Variants in FARS2 observed in about 807,000 individuals in gnomAD.
FARS2 encodes phenylalanine--tRNA ligase, mitochondrial.
A neutral mutation model predicts 46.4 loss-of-function variants in FARS2; 40 were observed. The ratio of observed to expected loss-of-function variants is 0.86; its 90% CI spans 0.67 to 1.12. The LOEUF is 1.12. Ranked by LOEUF, FARS2 falls within the 50% of genes most tolerant of loss-of-function variation. The pLI is 0.00. For synonymous variants in FARS2, 234 were observed against 214.9 expected (o/e 1.09, Z -0.78); for missense variants, 513 against 567.9 (o/e 0.90, Z 0.98).
intron 4 of FARS2, among the ~76,000 whole-genome samples, chr6:5,521,127 A>T (rs1769109856): frequency 6.6e-6 from 1 of 151,874 alleles, no homozygotes; most frequent in African/African-American, 2.4e-5. Context: ...TTTTATTTAT[A>T]TTTTGTTTCT....
At chr6:5,583,527 C>G (rs535981618) in intron 5 of FARS2, among the ~76,000 whole-genome samples, 34 of 152,186 alleles carry the variant, frequency 2.2e-4, no homozygotes, top group Non-Finnish European at 4.0e-4. Flanking sequence ...TAAAATTGTT[C>G]CCTAACAGAA....
intron 2 of FARS2, among the ~76,000 whole-genome samples, chr6:5,373,122 G>A (rs1377300152): frequency 6.6e-6 from 1 of 152,092 alleles, no homozygotes; most frequent in Non-Finnish European, 1.5e-5. Flanking sequence ...TCAGAAACAG[G>A]TAGTATAGGG....
intron 1 of FARS2, among the ~76,000 whole-genome samples, chr6:5,329,341 G>C (rs1296589107): frequency 6.6e-6 from 1 of 152,212 alleles, no homozygotes; most frequent in Non-Finnish European, 1.5e-5. Context: ...TTGAGATCTG[G>C]AATGAATTCA....
At position 5,630,222 on chromosome 6, in the gene FARS2, G is replaced by A. The variant is rs963101075; in HGVS notation, c.1217+16902G>A. On this transcript the variant is annotated intron_variant, in intron 6 of 6. Transcript: ENST00000274680. The surrounding 1 kb of genome is among the most constrained non-coding windows in gnomAD (Gnocchi z 4.2). ...AGACAGTGAGTGAGGAACTAAGAAG[G>A]GAGACCCAAGAGATGGAAGTCAAAG... 2.0e-5 allele frequency among the ~76,000 whole-genome samples: 3 copies of A among 152,112 alleles called. 1 individual carries two copies. Among genetic ancestry groups the A allele is most frequent in the Admixed American group, 2.0e-4 (3 of 15,276 alleles).
chr6:5,617,075 G>A (rs1775513614), intron 6 of FARS2, among the ~76,000 whole-genome samples: 1 of 151,862 alleles, frequency 6.6e-6, no homozygotes, highest in South Asian at 2.1e-4. Context: ...TAGTGTTGGG[G>A]TCCTGTGGAC....
Position 5,389,014 on chromosome 6 carries a change from T to C in FARS2, c.613-15528T>C, listed in dbSNP as rs115839776. ...GTTCTCCGTCATATCTGTTTATTGT[T>C]GCCCTCCCCTCACATCCACAGATGT... On this transcript the variant is annotated intron_variant, in intron 2 of 6. Transcript: ENST00000274680. Among the ~76,000 whole-genome samples, 833 of 152,320 alleles carry C rather than the reference T, an allele frequency of 5.5e-3. 8 individuals are homozygous for C. Among genetic ancestry groups the C allele is most frequent in the African/African-American group, 0.019 (801 of 41,570 alleles).
intron 1 of FARS2, among the ~76,000 whole-genome samples, chr6:5,336,576 GCATGCAATGT>G (rs1309717523): frequency 6.6e-6 from 1 of 151,994 alleles, no homozygotes; most frequent in East Asian, 1.9e-4. Flanking sequence ...TTTGATACAG[GCATGCAATGT>G]GAAATAAGCA....
chr6:5,565,443 G>A (rs1772270214), intron 5 of FARS2, among the ~76,000 whole-genome samples: 1 of 152,206 alleles, frequency 6.6e-6, no homozygotes, highest in Admixed American at 6.5e-5. Flanking sequence ...CCTTAATATA[G>A]CTTGATGATA....
chr6:5,402,762 T>A (rs1761336098), intron 2 of FARS2, among the ~76,000 whole-genome samples: 1 of 152,190 alleles, frequency 6.6e-6, no homozygotes, highest in South Asian at 2.1e-4. Context: ...ACTATGGTTT[T>A]GGGATCCTCT....
intron 5 of FARS2, among the ~76,000 whole-genome samples, chr6:5,598,975 G>A (rs1009168041): frequency 6.6e-6 from 1 of 152,196 alleles, no homozygotes; most frequent in Non-Finnish European, 1.5e-5. Context: ...CCAGCTTTGT[G>A]TGGATTCAGG....
intron 6 of FARS2, among the ~76,000 whole-genome samples, chr6:5,670,306 C>T (rs1166672469): frequency 6.6e-6 from 1 of 152,188 alleles, no homozygotes; most frequent in Non-Finnish European, 1.5e-5. Flanking sequence ...ATTCAACAGG[C>T]AGTACACCCC....
chr6:5,279,873 A>G (rs1024002686), intron 1 of FARS2, among the ~76,000 whole-genome samples: 15 of 152,200 alleles, frequency 9.9e-5, no homozygotes, highest in Non-Finnish European at 1.8e-4. Flanking sequence ...CGTTATACTT[A>G]AGTCTGCTGA....
intron 1 of FARS2, among the ~76,000 whole-genome samples, chr6:5,273,477 C>G (rs958859253): frequency 6.6e-6 from 1 of 151,206 alleles, no homozygotes; most frequent in Non-Finnish European, 1.5e-5. Flanking sequence ...TCAGAAATGT[C>G]TATTGAGATC....
Position 5,404,662 on chromosome 6 carries a change from C to T in FARS2, c.733C>T (p.Gln245Ter). ...GAAGCTTGTAGAGTTTGATCTTAAG[C>T]AAACGCTTACCAGGCTCATGGCACA... Reference protein sequence around the residue: ...AVKLVEFDLKQTLTRLMAHLF... With the variant: ...AVKLVEFDLK Residue 245 changes from glutamine (Q) to a stop codon, truncating the protein, a stop_gained, in exon 3 of 7, where the codon CAA (glutamine) becomes TAA (stop). Transcript: ENST00000274680. LOFTEE classifies it high-confidence loss of function. 1 of 1,608,372 alleles carries T rather than the reference C, an allele frequency of 6.2e-7. No individual in the cohort carries two copies. The highest frequency in any genetic ancestry group is 8.5e-7 in the Non-Finnish European group (1 of 1,176,922).
intron 1 of FARS2, among the ~76,000 whole-genome samples, chr6:5,305,857 T>C (rs1243910945): frequency 6.6e-6 from 1 of 152,216 alleles, no homozygotes; most frequent in Non-Finnish European, 1.5e-5. Context: ...ATTGTGGCCT[T>C]GAGGCAGTAG....
the FARS2 span, among the ~76,000 whole-genome samples, chr6:5,252,038 AGTT>A: frequency 6.6e-6 from 1 of 152,216 alleles, no homozygotes; most frequent in African/African-American, 2.4e-5. Context: ...TGTTTCATTC[AGTT>A]GTGTAGTACA....
In FARS2 at chr6:5,633,262, C is replaced by CTT. The variant is rs59797062; in HGVS notation, c.1217+19972_1217+19973dup. Among the ~76,000 whole-genome samples, 378 of 50,084 alleles carry CTT rather than the reference C, an allele frequency of 7.5e-3. 67 individuals are homozygous for CTT. The highest frequency in any genetic ancestry group is 0.012 in the African/African-American group (164 of 13,808). 32.9% of individuals were successfully genotyped at this position (50,084 alleles called of 152,430 possible). A position where few individuals can be genotyped will look rare whatever the true frequency, so the allele number is the denominator to read the frequency against. On this transcript the variant is annotated intron_variant, in intron 6 of 6. Coordinates refer to ENST00000274680, the MANE Select transcript of FARS2 (RefSeq NM_006567.5). ...TACAGGTACATGCCACCATCCCTGG[C>CTT]TTTTTTTTTTTTTTTTTTTTTTTTT...
chr6:5,600,679 G>T (rs184129193), intron 5 of FARS2, among the ~76,000 whole-genome samples: 4 of 152,156 alleles, frequency 2.6e-5, no homozygotes, highest in African/African-American at 4.8e-5. Flanking sequence ...ATAAGAACAC[G>T]ATCGCATGGG....
intron 1 of FARS2, among the ~76,000 whole-genome samples, chr6:5,267,773 G>C (rs1368159668): frequency 9.5e-5 from 14 of 147,734 alleles, no homozygotes; most frequent in Non-Finnish European, 1.8e-4. Flanking sequence ...AAAAAAAATC[G>C]CCACACTGTC....
Sources: gnomAD v4.1 joint callset for allele counts (sites outside exome capture counted in the v4.1 genomes callset) on GRCh38, gnomAD v4.1.1 for gene constraint, Gnocchi (gnomAD v3.1) non-coding constraint, MANE v1.5 for transcripts, NCBI Gene and HGNC (gene_info 2026-07-23, HGNC 2026-07-21) for gene names.